The following SMARCA4 variants were observed in gnomAD, a reference collection of about 807,000 sequenced individuals.
The protein encoded by SMARCA4 is SWI/SNF related BAF chromatin remodeling complex subunit ATPase 4.
SMARCA4 carries 31 observed loss-of-function variants against 193.9 expected under a neutral mutation model. The observed-to-expected ratio is 0.16, with a 90% CI of 0.12 to 0.22. The LOEUF (loss-of-function observed/expected upper bound fraction) is 0.22. SMARCA4 is among the 10% of genes least tolerant of loss of function. SMARCA4 has a pLI of 1.00. For synonymous variants in SMARCA4, 942 were observed against 933.1 expected, an observed-to-expected ratio of 1.01 and a Z score of -0.17; for missense variants, 1,148 against 2,296.0, an observed-to-expected ratio of 0.50 and a Z score of 10.22.
chr19:11,014,985 T>A (rs192015999), intron 16 of SMARCA4, among the ~76,000 whole-genome samples: 1 of 152,120 alleles, frequency 6.6e-6, no homozygotes, highest in East Asian at 1.9e-4. Context: ...GCTAACTTTT[T>A]TGCATTTTTA....
In SMARCA4 at chr19:10,986,564, C is replaced by T. The variant is rs587778683; in HGVS notation, c.731C>T (p.Pro244Leu). 1.0e-5 allele frequency: 16 copies of T among 1,537,670 alleles called. No homozygotes were observed. The highest frequency in any genetic ancestry group is 2.4e-5 in the East Asian group (1 of 40,886). The change falls in exon 4 of 35, where the codon CCG becomes CTG. Residue 244 changes from proline (P) to leucine (L), a missense_variant. This residue lies in a region of SMARCA4 where 257 missense variants were observed against 276.5 expected (regional missense o/e 0.93). Transcript: ENST00000344626. This position sits in a 1 kb window ranked among gnomAD's most constrained non-coding sequence, Gnocchi z 6.7. Reference protein sequence around the residue: ...PGPGPGPGPGPAPPNYSRPHG... With the variant: ...PGPGPGPGPGLAPPNYSRPHG... ...CCTGGCCCCGGCCCGGGTCCCGGCC[C>T]GGCACCTCCAAATTACAGCAGGCCT...
At chr19:11,042,246 TTA>T (rs1193229133) in intron 30 of SMARCA4, among the ~76,000 whole-genome samples, 2 of 152,208 alleles carry the variant, frequency 1.3e-5, no homozygotes, top group Non-Finnish European at 2.9e-5. Context: ...TGAGTGCCAT[TTA>T]TATGTTTTTC....
At chr19:10,988,360 T>A (rs2086254350) in intron 6 of SMARCA4, among the ~76,000 whole-genome samples, 1 of 152,158 alleles carries the variant, frequency 6.6e-6, no homozygotes, top group African/African-American at 2.4e-5. Context: ...TGACCTCAGA[T>A]GCTCCCAAAG....
Position 11,058,327 on chromosome 19 carries a change from G to T in SMARCA4, c.4497G>T (p.Glu1499Asp). 6.2e-7 allele frequency: 1 copy of T among 1,613,496 alleles called. No homozygotes were observed. ...PSRKELPEYY[E>D]LIRKPVDFKK... ...GAAAGGAGCTGCCCGAGTACTACGA[G>T]CTCATCCGCAAGCCCGTGGACTTCA... is the stretch of plus-strand genomic sequence containing the variant. Residue 1499 changes from glutamate to aspartate, a missense_variant, in exon 31 of 35, where the codon GAG becomes GAT. This residue lies in a region of SMARCA4 where 141 missense variants were observed against 193.0 expected (regional missense o/e 0.73). Coordinates refer to ENST00000344626, the MANE Select transcript of SMARCA4 (RefSeq NM_003072.5). The surrounding 1 kb of genome is among the most constrained non-coding windows in gnomAD (Gnocchi z 5.8).
At chr19:10,988,847 T>C (rs1281618189) in intron 6 of SMARCA4, among the ~76,000 whole-genome samples, 1 of 152,222 alleles carries the variant, frequency 6.6e-6, no homozygotes, top group Non-Finnish European at 1.5e-5. Flanking sequence ...AATGAGTATG[T>C]GCAGAAAGAC....
intron 21 of SMARCA4, 89 bp downstream of exon 21, chr19:11,024,527 G>GGGTCATGATCT (rs1334241670): frequency 2.4e-6 from 2 of 834,708 alleles, no homozygotes; most frequent in Admixed American, 3.8e-5. Flanking sequence ...TCTGACCATC[G>GGGTCATGATCT]GGTCATGATC....
intron 1 of SMARCA4, among the ~76,000 whole-genome samples, chr19:10,974,687 ATATTTTTTTTTTTTTTT>A (rs1358142599): frequency 4.3e-5 from 2 of 46,220 alleles, no homozygotes; most frequent in Non-Finnish European, 7.5e-5. Flanking sequence ...ATATATATAT[ATATTTTTTTTTTTTTTT>A]TTTTTTTTTT....
rs2146282400 is a variant in SMARCA4, at chr19:11,013,125, TGC to T, written c.2438+14_2438+15del. 6.2e-7 allele frequency: 1 copy of T among 1,613,922 alleles called. No individual in the cohort carries two copies. Among genetic ancestry groups the T allele is most frequent in the African/African-American group, 1.3e-5 (1 of 75,042 alleles). On this transcript the variant is annotated intron_variant, in intron 16 of 34. Transcript: ENST00000344626. ...TCGTGCCTCTCTCGTGAGTACCCGC[TGC>T]CAGCAACATCCCACACGCCGCTCAC...
At chr19:11,016,974 GA>G (rs1290793165) in intron 16 of SMARCA4, among the ~76,000 whole-genome samples, 1 of 152,012 alleles carries the variant, frequency 6.6e-6, no homozygotes, top group African/African-American at 2.4e-5. Flanking sequence ...CTGGGTCCTG[GA>G]TGGGCCTGTT....
chr19:11,047,484 C>T (rs1289661323), intron 30 of SMARCA4: 2 of 151,716 alleles, frequency 1.3e-5, no homozygotes, highest in Non-Finnish European at 2.9e-5. Context: ...TCTTGGCTCA[C>T]TGTAACCTCT....
At position 10,987,866 on chromosome 19, in the gene SMARCA4, C is replaced by T. The variant is rs864622680; in HGVS notation, c.1060C>T (p.Pro354Ser). The T allele has an allele frequency of 1.2e-6, 2 of 1,612,932 alleles. No individual in the cohort carries two copies. The highest frequency in any genetic ancestry group is 1.1e-5 in the South Asian group (1 of 90,948). Reference protein sequence around the residue: ...PLHQKQSRITPIQKPRGLDPV... With the variant: ...PLHQKQSRITSIQKPRGLDPV... ...GCACCAGAAGCAGAGCCGCATCACCCCCATCCAGAAGCCGCGGGGCCTCGA... is the reference window on the plus strand; with the variant it reads ...GCACCAGAAGCAGAGCCGCATCACCTCCATCCAGAAGCCGCGGGGCCTCGA... Residue 354 changes from proline (P) to serine (S), a missense_variant, in exon 6 of 35, where the codon CCC (proline) becomes TCC (serine). Coordinates refer to ENST00000344626, the MANE Select transcript of SMARCA4 (RefSeq NM_003072.5). The surrounding 1 kb of genome is among the most constrained non-coding windows in gnomAD (Gnocchi z 5.3).
chr19:10,985,924 G>A lies in SMARCA4; in HGVS notation c.356-265G>A, dbSNP rs111898482. 3.7e-3 allele frequency among the ~76,000 whole-genome samples: 560 copies of A among 152,276 alleles called. 7 individuals carry two copies. Among genetic ancestry groups the A allele is most frequent in the African/African-American group, 0.012 (519 of 41,554 alleles). On this transcript the variant is annotated intron_variant, in intron 3 of 34. Coordinates refer to ENST00000344626, the MANE Select transcript of SMARCA4 (RefSeq NM_003072.5). The surrounding 1 kb of genome is among the most constrained non-coding windows in gnomAD (Gnocchi z 4.5). ...GCCTGTGGACAGGCAGGCGGAAGCCGGGAGAGAGCCGTGATTTCATGCACA... is the reference window on the plus strand; with the variant it reads ...GCCTGTGGACAGGCAGGCGGAAGCCAGGAGAGAGCCGTGATTTCATGCACA...
chr19:11,022,492 G>A (rs1240332772), intron 19 of SMARCA4, among the ~76,000 whole-genome samples: 1 of 152,226 alleles, frequency 6.6e-6, no homozygotes, highest in Non-Finnish European at 1.5e-5. Flanking sequence ...CATCATCATT[G>A]ATGAGTGGTC....
chr19:10,994,162 C>T (rs1255768038), intron 8 of SMARCA4, among the ~76,000 whole-genome samples: 1 of 151,952 alleles, frequency 6.6e-6, no homozygotes, highest in East Asian at 1.9e-4. Flanking sequence ...GCTTTGGCCT[C>T]CTGAGTAGCT....
chr19:11,010,546 G>A lies in SMARCA4; in HGVS notation c.2274+15G>A, dbSNP rs776188017. The A allele has an allele frequency of 2.5e-6, 4 of 1,612,378 alleles. No individual in the cohort carries two copies. On this transcript the variant is annotated intron_variant, in intron 15 of 34. Coordinates refer to ENST00000344626, the MANE Select transcript of SMARCA4 (RefSeq NM_003072.5). ...AACAGTACCAGGTGAGGTAGGGGGT[G>A]GGGAGGCCACCGCCACGTAGCTGCC... is the stretch of plus-strand genomic sequence containing the variant.
chr19:10,996,994 T>G lies in SMARCA4; in HGVS notation c.1812+450T>G, dbSNP rs73013147. Among the ~76,000 whole-genome samples, 1,005 of 151,790 alleles carry G rather than the reference T, an allele frequency of 6.6e-3. 11 individuals are homozygous for G. Among genetic ancestry groups the G allele is most frequent in the South Asian group, 0.052 (251 of 4,820 alleles). ...ATCCTACCCTTCGAGTAGCTGGGAT[T>G]ACGGTTATGCCCCACCACACCCAGC... On this transcript the variant is annotated intron_variant, in intron 11 of 34. Coordinates refer to ENST00000344626, the MANE Select transcript of SMARCA4 (RefSeq NM_003072.5).
At chr19:10,990,892 C>T (rs1006900757) in intron 7 of SMARCA4, among the ~76,000 whole-genome samples, 9 of 152,212 alleles carry the variant, frequency 5.9e-5, no homozygotes, top group Non-Finnish European at 1.0e-4. Context: ...ACTCCTAAGA[C>T]GTGTGTGTGG....
At chr19:11,009,688 T>C (rs1460412522) in intron 14 of SMARCA4, among the ~76,000 whole-genome samples, 1 of 125,456 alleles carries the variant, frequency 8.0e-6, no homozygotes, top group Non-Finnish European at 1.8e-5. Context: ...CCCGGCTAAC[T>C]TTTTTTTTTT....
At position 11,012,608 on chromosome 19, in the gene SMARCA4, C is replaced by T. The variant is rs1222810360; in HGVS notation, c.2275-341C>T. On this transcript the variant is annotated intron_variant, in intron 15 of 34. Coordinates refer to ENST00000344626, the MANE Select transcript of SMARCA4 (RefSeq NM_003072.5). The stretch of plus-strand genomic sequence containing the variant: ...TCTTGGTTTCCTGAGTGCAAGTGTC[C>T]CGTGGTGTGGGCAGGTTTTTCCTGT... The T allele has an allele frequency of 1.6e-5, 6 of 374,790 alleles. No homozygotes were observed. In the Admixed American group the frequency reaches 1.9e-4, roughly 12 times the overall value. The allele number at this position is 374,790 out of a possible 1,614,324, so 23.2% of individuals were successfully genotyped here.
Sources: gnomAD v4.1 joint callset for allele counts (sites outside exome capture counted in the v4.1 genomes callset) on GRCh38, gnomAD v4.1.1 for gene constraint, gnomAD v4.1.1 regional missense constraint, Gnocchi (gnomAD v3.1) non-coding constraint, MANE v1.5 for transcripts, NCBI Gene and HGNC (gene_info 2026-07-23, HGNC 2026-07-21) for gene names.